The following PDGFD variants were observed in gnomAD, a reference collection of about 807,000 sequenced individuals.
PDGFD encodes the protein platelet derived growth factor D, also known as platelet-derived growth factor D.
Under a neutral mutation model 44.7 loss-of-function variants are expected in PDGFD, and 30 were observed. The ratio of observed to expected loss-of-function variants is 0.67; its 90% CI spans 0.50 to 0.91. The LOEUF (loss-of-function observed/expected upper bound fraction) is 0.91. Ranked by LOEUF, PDGFD falls within the 40% of genes least tolerant of loss-of-function variation. PDGFD has a pLI of 0.00. For synonymous variants in PDGFD, 173 were observed against 168.4 expected, an observed-to-expected ratio of 1.03 and a Z score of -0.21; for missense variants, 445 against 457.8, an observed-to-expected ratio of 0.97 and a Z score of 0.25.
chr11:103,990,438 C>G (rs1467350854), intron 3 of PDGFD, among the ~76,000 whole-genome samples: 1 of 152,190 alleles, frequency 6.6e-6, no homozygotes, highest in Non-Finnish European at 1.5e-5. Context: ...ACACTATTTT[C>G]TTTTATCTGC....
chr11:104,015,108 G>T (rs1171254673), intron 1 of PDGFD, among the ~76,000 whole-genome samples: 1 of 152,090 alleles, frequency 6.6e-6, no homozygotes, highest in Non-Finnish European at 1.5e-5. Context: ...CTGGTGAATC[G>T]CTTCCTCCAA....
intron 1 of PDGFD, among the ~76,000 whole-genome samples, chr11:104,133,564 G>GA (rs1861955291): frequency 6.6e-6 from 1 of 152,116 alleles, no homozygotes; most frequent in African/African-American, 2.4e-5. Flanking sequence ...GGCAGTATGT[G>GA]ACAAATGCTC....
chr11:103,915,560 T>C (rs11226075), intron 6 of PDGFD, among the ~76,000 whole-genome samples: 69,620 of 151,994 alleles, frequency 0.46, 16,049 homozygotes, highest in South Asian at 0.49. Flanking sequence ...CAAGCTACCA[T>C]TGACTTTCTT....
intron 1 of PDGFD, among the ~76,000 whole-genome samples, chr11:104,053,517 G>T (rs942516130): frequency 3.9e-5 from 6 of 152,106 alleles, no homozygotes; most frequent in African/African-American, 1.4e-4. Context: ...TTCAGATTGG[G>T]TTATTGCTTC....
rs193243608 is a variant in PDGFD at position 103,957,398 on chromosome 11, C to T, written c.511-9674G>A. On this transcript the variant is annotated intron_variant, in intron 3 of 6. Transcript: ENST00000393158. ...GTTCATGTGGAATCAAAAAAGAGCC[C>T]GCATCGCCAAGTCAATCCTAAGCCA... 3.5e-3 allele frequency among the ~76,000 whole-genome samples: 526 copies of T among 152,124 alleles called. 11 individuals are homozygous for T. The highest frequency in any genetic ancestry group is 0.012 in the African/African-American group (507 of 41,480).
chr11:104,037,722 C>T (rs753260858), intron 1 of PDGFD: 12 of 1,613,922 alleles, frequency 7.4e-6, no homozygotes, highest in Non-Finnish European at 1.0e-5. Flanking sequence ...GAATTATTGG[C>T]CGTGTTCATC....
chr11:104,070,360 A>G (rs1234375527), intron 1 of PDGFD, among the ~76,000 whole-genome samples: 3 of 152,200 alleles, frequency 2.0e-5, no homozygotes, highest in Admixed American at 6.5e-5. Context: ...CCAACAGCAC[A>G]GGGTTCATTC....
intron 1 of PDGFD, among the ~76,000 whole-genome samples, chr11:104,134,447 C>T (rs1033489384): frequency 5.3e-5 from 8 of 151,556 alleles, no homozygotes; most frequent in Admixed American, 5.3e-4. Flanking sequence ...GAGAATAAAC[C>T]TCAAAAAAAA....
intron 1 of PDGFD, among the ~76,000 whole-genome samples, chr11:104,155,999 C>T (rs1183042743): frequency 6.6e-6 from 1 of 152,096 alleles, no homozygotes; most frequent in Non-Finnish European, 1.5e-5. Context: ...ATAGGGACTG[C>T]AGTTAATAAC....
chr11:104,149,612 C>T (rs1310449839), intron 1 of PDGFD, among the ~76,000 whole-genome samples: 1 of 152,136 alleles, frequency 6.6e-6, no homozygotes, highest in Non-Finnish European at 1.5e-5. Context: ...GTGCTTCCCT[C>T]CTGCTCCATT....
chr11:104,080,124 AC>A (rs1861022692), intron 1 of PDGFD, among the ~76,000 whole-genome samples: 1 of 151,598 alleles, frequency 6.6e-6, no homozygotes, highest in South Asian at 2.1e-4. Flanking sequence ...TGTGTCCTCT[AC>A]AGAGAGAAAA....
intron 1 of PDGFD, among the ~76,000 whole-genome samples, chr11:104,158,377 T>C (rs904264576): frequency 6.6e-6 from 1 of 152,230 alleles, no homozygotes; most frequent in Admixed American, 6.5e-5. Context: ...CCAGAATGCA[T>C]CTGAAAGATA....
chr11:104,082,878 C>G (rs1266872483), intron 1 of PDGFD, among the ~76,000 whole-genome samples: 1 of 152,122 alleles, frequency 6.6e-6, no homozygotes, highest in Non-Finnish European at 1.5e-5. Context: ...CTTGGTCTCC[C>G]AAACTGCTGG....
At chr11:104,103,512 C>T (rs1421362978) in intron 1 of PDGFD, among the ~76,000 whole-genome samples, 5 of 132,306 alleles carry the variant, frequency 3.8e-5, no homozygotes, top group African/African-American at 1.4e-4. Flanking sequence ...ATGCTTATAT[C>T]TAAATATATA....
At chr11:103,925,716 C>CATATATAT (rs370841769) in intron 6 of PDGFD, among the ~76,000 whole-genome samples, 44 of 122,778 alleles carry the variant, frequency 3.6e-4, no homozygotes, top group African/African-American at 1.1e-3. Context: ...CACACACACA[C>CATATATAT]ATATATATAT....
At chr11:104,066,977 T>A (rs560036445) in intron 1 of PDGFD, among the ~76,000 whole-genome samples, 1 of 152,208 alleles carries the variant, frequency 6.6e-6, no homozygotes, top group Non-Finnish European at 1.5e-5. Flanking sequence ...GGACCAAATA[T>A]GGTCCAAGCA....
chr11:103,954,863 G>A (rs1466499852), intron 3 of PDGFD, among the ~76,000 whole-genome samples: 1 of 151,962 alleles, frequency 6.6e-6, no homozygotes, highest in African/African-American at 2.4e-5. Flanking sequence ...GGTTTGTTAA[G>A]ATTCATAAAA....
At position 103,909,615 on chromosome 11, in the gene PDGFD, G is replaced by A. The variant is rs1157531877; in HGVS notation, c.*79C>T. ...CAGGCTAGTAGTAAGTTTGGTTGCTGGTAGGAAAAGGGTCTCTTATCTCAC... is the reference window on the plus strand; with the variant it reads ...CAGGCTAGTAGTAAGTTTGGTTGCTAGTAGGAAAAGGGTCTCTTATCTCAC... On this transcript the variant is annotated 3_prime_UTR_variant, in exon 7 of 7. Transcript: ENST00000393158. 6 of 1,555,832 alleles carry A rather than the reference G, an allele frequency of 3.9e-6. No homozygotes were observed. The highest frequency in any genetic ancestry group is 2.7e-5 in the African/African-American group (2 of 73,644).
chr11:103,983,926 A>T (rs983158306), intron 3 of PDGFD, among the ~76,000 whole-genome samples: 11 of 151,718 alleles, frequency 7.3e-5, no homozygotes, highest in African/African-American at 2.7e-4. Flanking sequence ...AAGGTCGTGG[A>T]GAAAAACGAA....
Sources: gnomAD v4.1 joint callset for allele counts (sites outside exome capture counted in the v4.1 genomes callset) on GRCh38, gnomAD v4.1.1 for gene constraint, MANE v1.5 for transcripts, NCBI Gene and HGNC (gene_info 2026-07-23, HGNC 2026-07-21) for gene names.